The following SOX13 variants were observed in gnomAD, a reference collection of about 807,000 sequenced individuals.
The protein encoded by SOX13 is SRY-box transcription factor 13.
In SOX13, 28 loss-of-function variants were observed where a neutral mutation model predicts 71.8. The observed-to-expected ratio is 0.39, with a 90% CI of 0.29 to 0.53. The LOEUF (loss-of-function observed/expected upper bound fraction) is 0.53. Ranked by LOEUF, SOX13 falls within the 20% of genes least tolerant of loss-of-function variation. The pLI, the probability that SOX13 is intolerant of heterozygous loss-of-function variation, is 0.70. For missense variants in SOX13, 627 were observed against 810.3 expected (o/e 0.77, Z 2.75); for synonymous variants, 309 against 317.8 (o/e 0.97, Z 0.29).
At chr1:204,125,080 T>C (rs1656893581) in intron 13 of SOX13, among the ~76,000 whole-genome samples, 1 of 152,098 alleles carries the variant, frequency 6.6e-6, no homozygotes, top group Admixed American at 6.6e-5. Context: ...GCTGAGGATG[T>C]AGGAATGTGA....
chr1:204,104,630 A>G (rs954983589), intron 1 of SOX13, among the ~76,000 whole-genome samples: 2 of 152,172 alleles, frequency 1.3e-5, no homozygotes, highest in African/African-American at 4.8e-5. Flanking sequence ...TTCCCTGGTG[A>G]TGCCCCTTGG....
rs1364211531 is a variant in SOX13, at chr1:204,123,197, G to A, written c.1220G>A (p.Cys407Tyr). ...CCACTGGAGGAAGCCATGCTGAGCT[G>A]CGACATGGATGGTGAGGGCTCAGGC... ...VHPLEEAMLS[C>Y]DMDGSRHFPE... The change falls in exon 11 of 14, where the codon TGC becomes TAC. Residue 407 changes from cysteine to tyrosine, a missense_variant. Around this residue, in one of 3 missense-constraint regions of SOX13, gnomAD observed 447 missense variants for 532.2 expected, o/e 0.84. Transcript: ENST00000367204. This position sits in a 1 kb window ranked among gnomAD's most constrained non-coding sequence, Gnocchi z 5.0. The A allele has an allele frequency of 3.7e-6, 6 of 1,613,106 alleles. No individual in the cohort carries two copies. The African/African-American group carries it at 6.7e-5, about 18-fold the overall frequency.
At chr1:204,090,685 A>G (rs1656123862) in intron 1 of SOX13, among the ~76,000 whole-genome samples, 2 of 152,180 alleles carry the variant, frequency 1.3e-5, no homozygotes, top group East Asian at 1.9e-4. Context: ...TGCTGGGATT[A>G]CAGGTGTGAG....
chr1:204,077,158 A>G (rs927519535), intron 1 of SOX13, among the ~76,000 whole-genome samples: 1 of 152,236 alleles, frequency 6.6e-6, no homozygotes, highest in African/African-American at 2.4e-5. Context: ...AGGGGATTGC[A>G]GGTAGAGGGA....
At chr1:204,084,752 G>A (rs561624233) in intron 1 of SOX13, among the ~76,000 whole-genome samples, 9 of 151,756 alleles carry the variant, frequency 5.9e-5, no homozygotes, top group African/African-American at 1.9e-4. Context: ...GGTCAGCCAG[G>A]GGATGCTGTC....
chr1:204,084,743 G>T (rs1655982709), intron 1 of SOX13, among the ~76,000 whole-genome samples: 1 of 152,076 alleles, frequency 6.6e-6, no homozygotes, highest in Non-Finnish European at 1.5e-5. Context: ...CAGTGACCAG[G>T]TCAGCCAGGG....
chr1:204,099,543 G>A (rs1453469722), intron 1 of SOX13, among the ~76,000 whole-genome samples: 1 of 148,720 alleles, frequency 6.7e-6, no homozygotes, highest in African/African-American at 2.5e-5. Flanking sequence ...CTCCCGAGTA[G>A]CTTGGGCTAC....
intron 2 of SOX13, among the ~76,000 whole-genome samples, 189 bp downstream of exon 2, chr1:204,113,323 C>T (rs1045985990): frequency 1.3e-5 from 2 of 152,200 alleles, no homozygotes; most frequent in African/African-American, 2.4e-5. Flanking sequence ...AGCGGGGTCA[C>T]CTATCAGAGC....
At chr1:204,090,401 T>TGA (rs1241628164) in intron 1 of SOX13, among the ~76,000 whole-genome samples, 17 of 139,194 alleles carry the variant, frequency 1.2e-4, no homozygotes, top group African/African-American at 4.3e-4. Flanking sequence ...CAAGACTTCT[T>TGA]CTTCTTCTTT....
intron 1 of SOX13, among the ~76,000 whole-genome samples, chr1:204,090,797 A>G (rs1656126116): frequency 6.6e-6 from 1 of 152,194 alleles, no homozygotes; most frequent in Non-Finnish European, 1.5e-5. Context: ...TGTATTGAGC[A>G]TGGATTCTGG....
At chr1:204,082,616 G>T (rs1655932565) in intron 1 of SOX13, among the ~76,000 whole-genome samples, 1 of 152,158 alleles carries the variant, frequency 6.6e-6, no homozygotes, top group South Asian at 2.1e-4. Context: ...CAGGGCAAGG[G>T]GCTGAGGAAG....
chr1:204,120,196 A>T (rs560225769), intron 7 of SOX13, among the ~76,000 whole-genome samples: 1 of 152,200 alleles, frequency 6.6e-6, no homozygotes, highest in Non-Finnish European at 1.5e-5. Context: ...GACAGGCCCA[A>T]TGTGGAAGTT....
At chr1:204,121,114 G>T (rs1339019868) in intron 7 of SOX13, among the ~76,000 whole-genome samples, 2 of 151,828 alleles carry the variant, frequency 1.3e-5, no homozygotes, top group Non-Finnish European at 2.9e-5. Context: ...TGAATATCTG[G>T]GATTACAGGC....
intron 1 of SOX13, among the ~76,000 whole-genome samples, chr1:204,102,207 A>C (rs1204491999): frequency 6.6e-6 from 1 of 152,212 alleles, no homozygotes; most frequent in Non-Finnish European, 1.5e-5. Context: ...TGTTTGGCAA[A>C]GGTGAGATTT....
At chr1:204,106,931 A>C (rs1277930483) in intron 1 of SOX13, among the ~76,000 whole-genome samples, 1 of 152,200 alleles carries the variant, frequency 6.6e-6, no homozygotes, top group Non-Finnish European at 1.5e-5. Context: ...TGTTAACAGG[A>C]GATTCACCTC....
chr1:204,077,525 G>A (rs971364083), intron 1 of SOX13, among the ~76,000 whole-genome samples: 5 of 152,142 alleles, frequency 3.3e-5, no homozygotes, highest in Admixed American at 1.3e-4. Flanking sequence ...TCCCAAAAAC[G>A]TGGTTAACAA....
At chr1:204,095,759 C>T (rs772923907) in intron 1 of SOX13, among the ~76,000 whole-genome samples, 2 of 152,184 alleles carry the variant, frequency 1.3e-5, no homozygotes, top group South Asian at 4.1e-4. Flanking sequence ...ACCATCACCA[C>T]CATCTGTCCA....
chr1:204,074,549 G>C (rs1655745442), intron 1 of SOX13, among the ~76,000 whole-genome samples: 2 of 152,162 alleles, frequency 1.3e-5, no homozygotes, highest in African/African-American at 4.8e-5. Flanking sequence ...TTGTGTGTGT[G>C]CGCCGGCTCT....
chr1:204,101,255 G>A (rs1349190583), intron 1 of SOX13, among the ~76,000 whole-genome samples: 1 of 152,170 alleles, frequency 6.6e-6, no homozygotes, highest in African/African-American at 2.4e-5. Flanking sequence ...GGTGGGAAGG[G>A]GAGAGAAACC....
Sources: gnomAD v4.1 joint callset for allele counts (sites outside exome capture counted in the v4.1 genomes callset) on GRCh38, gnomAD v4.1.1 for gene constraint, gnomAD v4.1.1 regional missense constraint, Gnocchi (gnomAD v3.1) non-coding constraint, MANE v1.5 for transcripts, NCBI Gene and HGNC (gene_info 2026-07-23, HGNC 2026-07-21) for gene names.